The following FSHR variants were observed in gnomAD, a reference collection of about 807,000 sequenced individuals.
FSHR encodes the protein follicle stimulating hormone receptor.
In FSHR, 46 loss-of-function variants were observed where a neutral mutation model predicts 52.1. The observed-to-expected ratio is 0.88, with a 90% confidence interval of 0.70 to 1.13. The LOEUF (loss-of-function observed/expected upper bound fraction) is 1.13, where lower values mean the gene tolerates loss of function less well. Ranked by LOEUF, FSHR falls within the 50% of genes most tolerant of loss-of-function variation. The pLI is 0.00. For missense variants in FSHR, 964 were observed against 834.6 expected, an observed-to-expected ratio of 1.16 and a Z score of -1.91; for synonymous variants, 399 against 309.6, an observed-to-expected ratio of 1.29 and a Z score of -3.03.
At chr2:49,136,474 C>A (rs552710698) in intron 1 of FSHR, among the ~76,000 whole-genome samples, 1 of 152,040 alleles carries the variant, frequency 6.6e-6, no homozygotes, top group African/African-American at 2.4e-5. Context: ...ACAAACTCTT[C>A]CCAAAAGTAA....
In FSHR at chr2:49,028,886, A is replaced by G. The variant is rs540466587; in HGVS notation, c.225-8726T>C. On this transcript the variant is annotated intron_variant, in intron 2 of 9. Transcript: ENST00000406846. Reference sequence around the variant, plus strand: ...AGACCACTCGATGAGAAAGAAAGAAACTTGTTCTGAAAGTCCCTGATATTT... The same window carrying G: ...AGACCACTCGATGAGAAAGAAAGAAGCTTGTTCTGAAAGTCCCTGATATTT... 8.7e-4 allele frequency among the ~76,000 whole-genome samples: 132 copies of G among 152,266 alleles called. 1 individual carries two copies. Among genetic ancestry groups the G allele is most frequent in the Middle Eastern group, 3.4e-3 (1 of 294 alleles).
chr2:49,059,490 C>G lies in FSHR; in HGVS notation c.224+8729G>C, dbSNP rs572260846. ...AATTAATGCACGTATCTATAGCCAA[C>G]TGATTTTTGACAAAGGTGCCAAGAA... On this transcript the variant is annotated intron_variant, in intron 2 of 9. Transcript: ENST00000406846. 3.3e-5 allele frequency: 5 copies of G among 152,184 alleles called. No homozygotes were observed. The South Asian group carries it at 1.0e-3, about 32-fold the overall frequency. The allele number at this position is 152,184 out of a possible 1,614,324, so 9.4% of individuals were successfully genotyped here.
chr2:49,013,467 T>TATATATATAAATAA lies in FSHR; in HGVS notation c.374+4021_374+4022insTTATTTATATATAT. Among the ~76,000 whole-genome samples the TATATATATAAATAA allele has an allele frequency of 4.8e-5, 6 of 125,306 alleles. No individual in the cohort carries two copies. The South Asian group carries it at 7.6e-4, about 16-fold the overall frequency. 82.2% of individuals were successfully genotyped at this position (125,306 alleles called of 152,430 possible). A position where few individuals can be genotyped will look rare whatever the true frequency, so the allele number is the denominator to read the frequency against. The stretch of plus-strand genomic sequence containing the variant: ...TTAGCCCTGAATATATATATAAATA[T>TATATATATAAATAA]ATATATATATATAAATAAATATATA... On this transcript the variant is annotated intron_variant, in intron 4 of 9. Transcript: ENST00000406846.
At chr2:48,977,942 G>A (rs1000074864) in intron 8 of FSHR, among the ~76,000 whole-genome samples, 1 of 152,046 alleles carries the variant, frequency 6.6e-6, no homozygotes, top group Admixed American at 6.6e-5. Flanking sequence ...AATGATTTTG[G>A]TCTTTCTTTT....
At chr2:49,047,147 A>G (rs1005785338) in intron 2 of FSHR, among the ~76,000 whole-genome samples, 1 of 152,138 alleles carries the variant, frequency 6.6e-6, no homozygotes, top group African/African-American at 2.4e-5. Context: ...TTGTTTTGGG[A>G]CTTGGTGCTG....
At chr2:48,977,626 C>T (rs1573033764) in intron 8 of FSHR, among the ~76,000 whole-genome samples, 1 of 152,122 alleles carries the variant, frequency 6.6e-6, no homozygotes, top group East Asian at 1.9e-4. Context: ...ATTACTATAG[C>T]CATTTGTGAA....
chr2:49,058,685 A>T (rs1669161896), intron 2 of FSHR, among the ~76,000 whole-genome samples: 1 of 152,178 alleles, frequency 6.6e-6, no homozygotes, highest in South Asian at 2.1e-4. Context: ...AAAATAAAGA[A>T]GCCCATTCCA....
At chr2:49,094,398 A>G (rs1035162703) in intron 1 of FSHR, among the ~76,000 whole-genome samples, 2 of 152,186 alleles carry the variant, frequency 1.3e-5, no homozygotes, top group East Asian at 3.8e-4. Flanking sequence ...GTCTTTACGC[A>G]GATATTGTAG....
intron 1 of FSHR, among the ~76,000 whole-genome samples, chr2:49,120,813 T>C (rs1191408778): frequency 6.6e-6 from 1 of 152,234 alleles, no homozygotes; most frequent in African/African-American, 2.4e-5. Flanking sequence ...CTGTAGTAGA[T>C]GCTGAGTATA....
chr2:49,042,836 C>T (rs1191236178), intron 2 of FSHR, among the ~76,000 whole-genome samples: 2 of 152,136 alleles, frequency 1.3e-5, no homozygotes, highest in Non-Finnish European at 2.9e-5. Flanking sequence ...CAAACGTTTC[C>T]ATTTTCATAT....
chr2:49,013,451 A>AATATATATATAAATATAT (rs1207216140), intron 4 of FSHR, among the ~76,000 whole-genome samples: 51 of 135,564 alleles, frequency 3.8e-4, no homozygotes, highest in Non-Finnish European at 6.3e-4. Context: ...CTTAGCCCTG[A>AATATATATATAAATATAT]ATATATATAT....
chr2:48,983,030 C>T, intron 7 of FSHR, 44 bp from the exon 8 acceptor site: 1 of 1,608,112 alleles, frequency 6.2e-7, no homozygotes, highest in South Asian at 1.1e-5. Flanking sequence ...CACAAAGCCA[C>T]ATAAATATTG....
chr2:49,050,402 T>C (rs552626156), intron 2 of FSHR, among the ~76,000 whole-genome samples: 1 of 152,290 alleles, frequency 6.6e-6, no homozygotes, highest in Admixed American at 6.5e-5. Flanking sequence ...CACTCTAGGT[T>C]CTGGTTTGTG....
chr2:49,083,748 A>T (rs1172539559), intron 1 of FSHR, among the ~76,000 whole-genome samples: 1 of 148,680 alleles, frequency 6.7e-6, no homozygotes, highest in East Asian at 2.0e-4. Flanking sequence ...GAGACAAAGA[A>T]GGCCATTACA....
chr2:48,999,700 C>T (rs1057170699), intron 4 of FSHR, among the ~76,000 whole-genome samples: 8 of 152,064 alleles, frequency 5.3e-5, no homozygotes, highest in Admixed American at 6.6e-5. Flanking sequence ...TGGTCAAATA[C>T]GTTTAGGGAA....
chr2:48,967,835 A>G (rs1216623417), intron 9 of FSHR, among the ~76,000 whole-genome samples: 2 of 152,222 alleles, frequency 1.3e-5, no homozygotes, highest in African/African-American at 4.8e-5. Flanking sequence ...GAGAAATAAT[A>G]TCATAGGAAA....
intron 4 of FSHR, among the ~76,000 whole-genome samples, chr2:48,991,233 C>T (rs1361907082): frequency 6.6e-6 from 1 of 152,124 alleles, no homozygotes; most frequent in Non-Finnish European, 1.5e-5. Flanking sequence ...GTTGTATTGG[C>T]CTGGCTTTCC....
At chr2:49,043,805 G>A (rs2104287626) in intron 2 of FSHR, among the ~76,000 whole-genome samples, 1 of 152,306 alleles carries the variant, frequency 6.6e-6, no homozygotes, top group Middle Eastern at 3.4e-3. Flanking sequence ...GTGGGAGCCT[G>A]CAACCTCTTT....
intron 2 of FSHR, among the ~76,000 whole-genome samples, chr2:49,056,445 A>AATATATATATATAT (rs70946848): frequency 7.8e-6 from 1 of 128,524 alleles, no homozygotes; most frequent in Non-Finnish European, 1.6e-5. Context: ...TTACAATTGG[A>AATATATATATATAT]ATATATATAT....
Sources: gnomAD v4.1 joint callset for allele counts (sites outside exome capture counted in the v4.1 genomes callset) on GRCh38, gnomAD v4.1.1 for gene constraint, MANE v1.5 for transcripts, NCBI Gene and HGNC (gene_info 2026-07-23, HGNC 2026-07-21) for gene names.